C9orf85: variants seen among roughly 807,000 people sequenced by gnomAD.
C9orf85 encodes the protein chromosome 9 open reading frame 85, also known as uncharacterized protein C9orf85.
C9orf85 carries 16 observed loss-of-function variants against 14.9 expected under a neutral mutation model. That is an observed-to-expected ratio of 1.08 (90% CI 0.73 to 1.63). The LOEUF is 1.63. Ranked by LOEUF, C9orf85 falls within the 40% of genes most tolerant of loss-of-function variation. C9orf85 has a pLI of 0.00. For synonymous variants in C9orf85, 45 were observed against 56.8 expected (o/e 0.79, Z 0.93); for missense variants, 172 against 186.1 (o/e 0.92, Z 0.44).
At chr9:71,923,604 C>A (rs1827865215) in intron 1 of C9orf85, among the ~76,000 whole-genome samples, 2 of 152,150 alleles carry the variant, frequency 1.3e-5, no homozygotes, top group South Asian at 4.1e-4. Context: ...TATGTTTCAT[C>A]AGTGTAACTG....
chr9:71,950,008 G>A (rs559471518), intron 2 of C9orf85, among the ~76,000 whole-genome samples: 7 of 152,082 alleles, frequency 4.6e-5, no homozygotes, highest in African/African-American at 7.2e-5. Flanking sequence ...ATATTTTGGG[G>A]TAGCATGTTC....
chr9:71,963,966 G>A (rs903831960), intron 2 of C9orf85, among the ~76,000 whole-genome samples: 8 of 152,338 alleles, frequency 5.3e-5, no homozygotes, highest in Admixed American at 1.3e-4. Flanking sequence ...CTGCAGCCCC[G>A]GAGTGGGATC....
intron 1 of C9orf85, among the ~76,000 whole-genome samples, chr9:71,931,706 A>C (rs1165809732): frequency 6.6e-6 from 1 of 152,166 alleles, no homozygotes; most frequent in Non-Finnish European, 1.5e-5. Context: ...GTTGTAAGGA[A>C]ATGATTTAAT....
intron 1 of C9orf85, among the ~76,000 whole-genome samples, chr9:71,946,405 A>C (rs1822086002): frequency 6.6e-6 from 1 of 152,306 alleles, no homozygotes; most frequent in East Asian, 1.9e-4. Flanking sequence ...TTTTATTGAG[A>C]TATAACTTAC....
At chr9:71,922,034 G>A (rs983671477) in intron 1 of C9orf85, among the ~76,000 whole-genome samples, 3 of 151,850 alleles carry the variant, frequency 2.0e-5, no homozygotes, top group Non-Finnish European at 2.9e-5. Context: ...TCTGCCTCCC[G>A]TGTTCAAGCG....
In C9orf85 at chr9:71,911,683, T is replaced by G. The variant is rs1212688558; in HGVS notation, c.-52T>G. 6.6e-7 allele frequency: 1 copy of G among 1,504,430 alleles called. No homozygotes were observed. Among genetic ancestry groups the G allele is most frequent in the African/African-American group, 1.4e-5 (1 of 72,668 alleles). 93.2% of individuals were successfully genotyped at this position (1,504,430 alleles called of 1,614,324 possible). On this transcript the variant is annotated 5_prime_UTR_variant, in exon 1 of 4. Coordinates refer to ENST00000334731, the MANE Select transcript of C9orf85 (RefSeq NM_182505.5). ...CCTGGGAGTAGTTCGTTGGTTTTCT[T>G]TCCCCTCATCCTTTTGCCTGCTCCC...
At chr9:71,970,314 A>G (rs530965433) in intron 2 of C9orf85, among the ~76,000 whole-genome samples, 11 of 152,284 alleles carry the variant, frequency 7.2e-5, no homozygotes, top group African/African-American at 2.4e-4. Flanking sequence ...GTCTTAGAGA[A>G]TGTTCCATGT....
intron 1 of C9orf85, chr9:71,942,027 A>T (rs187598175): frequency 6.6e-6 from 1 of 152,344 alleles, no homozygotes; most frequent in Non-Finnish European, 1.5e-5. Flanking sequence ...GACATTTCTC[A>T]TAATAGAAGG....
At chr9:71,924,248 T>G (rs1309955773) in intron 1 of C9orf85, among the ~76,000 whole-genome samples, 1 of 152,248 alleles carries the variant, frequency 6.6e-6, no homozygotes, top group Admixed American at 6.5e-5. Context: ...CTAATTCTTT[T>G]CCAATTTATC....
At chr9:71,984,772 G>A (rs1823178088), downstream of C9orf85, 1 of 152,270 alleles carries the variant, frequency 6.6e-6, no homozygotes, top group African/African-American at 2.4e-5. Flanking sequence ...GCAAGTGTGA[G>A]TGAGATTTAG....
In C9orf85 at chr9:71,919,908, G is replaced by A. The variant is rs113834708; in HGVS notation, c.102+8072G>A. On this transcript the variant is annotated intron_variant, in intron 1 of 3. Transcript: ENST00000334731. Reference sequence around the variant, plus strand: ...CTCTGTCACCAGGCTGGAGTGCAGCGGTGCAATCTCGGCTCACTGCAATCT... The same window carrying A: ...CTCTGTCACCAGGCTGGAGTGCAGCAGTGCAATCTCGGCTCACTGCAATCT... Among the ~76,000 whole-genome samples, 571 of 150,354 alleles carry A rather than the reference G, an allele frequency of 3.8e-3. 2 individuals carry two copies. The highest frequency in any genetic ancestry group is 0.014 in the Middle Eastern group (4 of 290).
At chr9:71,972,534 C>T (rs1822903142) in intron 3 of C9orf85, among the ~76,000 whole-genome samples, 158 bp from the exon 4 acceptor site, 1 of 152,230 alleles carries the variant, frequency 6.6e-6, no homozygotes, top group Non-Finnish European at 1.5e-5. Flanking sequence ...GCTGGGATTA[C>T]AGGCATGAGC....
In C9orf85 at chr9:71,934,877, A is replaced by AAT. The variant is rs781384792; in HGVS notation, c.103-12120_103-12119dup. 2.6e-4 allele frequency among the ~76,000 whole-genome samples: 40 copies of AAT among 152,226 alleles called. 1 individual carries two copies. The East Asian group carries it at 3.3e-3, about 12-fold the overall frequency. On this transcript the variant is annotated intron_variant, in intron 1 of 3. Coordinates refer to ENST00000334731, the MANE Select transcript of C9orf85 (RefSeq NM_182505.5). ...AGAGCAAGACCCTGTCTCAGAAAAA[A>AAT]ATATATATATGCAGAATATATAATA...
At chr9:71,919,366 A>C (rs989719429) in intron 1 of C9orf85, among the ~76,000 whole-genome samples, 3 of 152,216 alleles carry the variant, frequency 2.0e-5, no homozygotes, top group African/African-American at 7.2e-5. Context: ...ATCAGCAATT[A>C]AGGGTAGCCA....
At chr9:71,918,994 G>T (rs1827727292) in intron 1 of C9orf85, among the ~76,000 whole-genome samples, 1 of 151,586 alleles carries the variant, frequency 6.6e-6, no homozygotes, top group Admixed American at 6.6e-5. Context: ...AAAGGTTGGG[G>T]ACTGCTGCTG....
chr9:71,941,976 T>C (rs1414998219), intron 1 of C9orf85: 3 of 152,252 alleles, frequency 2.0e-5, no homozygotes, highest in Non-Finnish European at 4.4e-5. Context: ...TGTATATATG[T>C]ATGCATTAGT....
intron 1 of C9orf85, among the ~76,000 whole-genome samples, chr9:71,916,915 A>G (rs1211843641): frequency 1.3e-5 from 2 of 152,322 alleles, no homozygotes; most frequent in African/African-American, 2.4e-5. Context: ...TTTAGGCACT[A>G]TGTATACTTG....
chr9:71,968,101 T>TAGAGAGAGAG lies in C9orf85; in HGVS notation c.210-3395_210-3386dup, dbSNP rs3044594. Among the ~76,000 whole-genome samples, 38 of 146,812 alleles carry TAGAGAGAGAG rather than the reference T, an allele frequency of 2.6e-4. 1 individual carries two copies. The highest frequency in any genetic ancestry group is 1.5e-3 in the South Asian group (7 of 4,526). On this transcript the variant is annotated intron_variant, in intron 2 of 3. Coordinates refer to ENST00000334731, the MANE Select transcript of C9orf85 (RefSeq NM_182505.5). ...ATCCATTGCTGCATATATATATATA[T>TAGAGAGAGAG]AGAGAGAGAGAGAGAGAGTGCATGC...
chr9:71,978,669 T>C (rs1208655928), intron 3 of C9orf85, among the ~76,000 whole-genome samples: 2 of 152,196 alleles, frequency 1.3e-5, no homozygotes, highest in African/African-American at 4.8e-5. Context: ...ACTTCTGGAA[T>C]GCTGGAATCA....
Sources: allele counts gnomAD v4.1 joint callset (sites outside exome capture counted in the v4.1 genomes callset), GRCh38; gene constraint gnomAD v4.1.1; transcripts MANE v1.5; gene names NCBI Gene and HGNC (gene_info 2026-07-23, HGNC 2026-07-21).